Variants in INSL6 observed in about 807,000 individuals in gnomAD.
INSL6 encodes the protein insulin like 6.
INSL6 carries 16 observed loss-of-function variants against 9.4 expected under a neutral mutation model. The observed-to-expected ratio is 1.70, with a 90% CI of 1.15 to 2.59. The LOEUF is 2.59. INSL6 is among the 30% of genes most tolerant of loss of function. The pLI is 0.00. For synonymous variants in INSL6, 154 were observed against 96.9 expected, an observed-to-expected ratio of 1.59 and a Z score of -3.46; for missense variants, 391 against 257.3, an observed-to-expected ratio of 1.52 and a Z score of -3.56.
chr9:5,127,951 G>T (rs144384901), intron 3 of INSL6: 1 of 232,166 alleles, frequency 4.3e-6, no homozygotes. Flanking sequence ...TTCATAACGT[G>T]TATCTTTAAG....
At chr9:5,019,951 T>G in the INSL6 span, among the ~76,000 whole-genome samples, 3 of 152,184 alleles carry the variant, frequency 2.0e-5, no homozygotes, top group Non-Finnish European at 4.4e-5. Flanking sequence ...TGCCTGTACA[T>G]TAGCCCCAGG....
At chr9:5,122,565 T>C (rs1823697098), downstream of INSL6, among the ~76,000 whole-genome samples, 1 of 152,114 alleles carries the variant, frequency 6.6e-6, no homozygotes, top group Non-Finnish European at 1.5e-5. Flanking sequence ...GTTATCTTTC[T>C]ATGTCAGAGA....
chr9:5,066,668 T>C, the INSL6 span: 6 of 1,485,082 alleles, frequency 4.0e-6, no homozygotes, highest in African/African-American at 1.4e-5. Context: ...TGCTTCTTCT[T>C]TACCTTTAGG....
At chr9:5,152,214 A>G (rs963731219) in intron 2 of INSL6, among the ~76,000 whole-genome samples, 1 of 152,226 alleles carries the variant, frequency 6.6e-6, no homozygotes, top group African/African-American at 2.4e-5. Flanking sequence ...AGAACAATGA[A>G]TAACACTGTC....
the INSL6 span, chr9:5,029,761 C>T: frequency 6.3e-7 from 1 of 1,592,830 alleles, no homozygotes; most frequent in Admixed American, 1.8e-5. Context: ...TTTAATAATT[C>T]CTTTCTCTGC....
the INSL6 span, among the ~76,000 whole-genome samples, chr9:5,035,756 A>T: frequency 6.6e-6 from 1 of 152,194 alleles, no homozygotes; most frequent in African/African-American, 2.4e-5. Flanking sequence ...TATCTATGAC[A>T]TACCGACAGC....
At chr9:5,033,942 T>TG in the INSL6 span, among the ~76,000 whole-genome samples, 128 of 152,246 alleles carry the variant, frequency 8.4e-4, no homozygotes, top group Non-Finnish European at 1.5e-3. Context: ...AGACACAGAC[T>TG]GGTAAACTGG....
intron 1 of INSL6, among the ~76,000 whole-genome samples, chr9:5,166,828 AG>A (rs1348829640): frequency 6.6e-6 from 1 of 152,236 alleles, no homozygotes; most frequent in Non-Finnish European, 1.5e-5. Flanking sequence ...AAACTAGGTA[AG>A]AACAATATGA....
chr9:5,156,382 C>CTGTAAATGAA (rs1211541530), intron 2 of INSL6, among the ~76,000 whole-genome samples: 1 of 152,140 alleles, frequency 6.6e-6, no homozygotes, highest in African/African-American at 2.4e-5. Flanking sequence ...AGACATAAAA[C>CTGTAAATGAA]TGTAAATGAA....
chr9:5,148,976 C>G (rs1824657293), intron 2 of INSL6, among the ~76,000 whole-genome samples: 1 of 152,210 alleles, frequency 6.6e-6, no homozygotes, highest in African/African-American at 2.4e-5. Flanking sequence ...CTCTCCCCAG[C>G]AGTTAGCTGG....
At chr9:5,106,031 A>G in the INSL6 span, among the ~76,000 whole-genome samples, 1 of 152,248 alleles carries the variant, frequency 6.6e-6, no homozygotes, top group Non-Finnish European at 1.5e-5. Flanking sequence ...AAACGCCAGA[A>G]ACAAAGGCAA....
chr9:5,040,961 C>A, the INSL6 span: 1 of 541,616 alleles, frequency 1.8e-6, no homozygotes, highest in Non-Finnish European at 3.5e-6. Context: ...AATCTCTATA[C>A]AAACAAATAT....
At chr9:5,032,125 C>T in the INSL6 span, among the ~76,000 whole-genome samples, 2 of 152,234 alleles carry the variant, frequency 1.3e-5, no homozygotes, top group African/African-American at 4.8e-5. Flanking sequence ...TCAGAGGGTC[C>T]TACGCCCACG....
intron 2 of INSL6, among the ~76,000 whole-genome samples, chr9:5,155,488 C>A (rs537486151): frequency 6.4e-5 from 9 of 141,288 alleles, no homozygotes; most frequent in African/African-American, 1.1e-4. Flanking sequence ...AAAAAAAAAA[C>A]CTGGAGGTAC....
intron 3 of INSL6, chr9:5,132,212 A>C (rs1824305169): frequency 6.6e-6 from 1 of 152,206 alleles, no homozygotes; most frequent in Non-Finnish European, 1.5e-5. Flanking sequence ...CAGAGGAAGA[A>C]AATTCTAAAA....
chr9:5,044,561 A>G, the INSL6 span: 1 of 1,225,292 alleles, frequency 8.2e-7, no homozygotes, highest in African/African-American at 1.5e-5. Context: ...GTTAAATGAT[A>G]AATATCTTGC....
the INSL6 span, among the ~76,000 whole-genome samples, chr9:5,005,486 G>C: frequency 1.3e-5 from 2 of 152,170 alleles, no homozygotes; most frequent in Non-Finnish European, 1.5e-5. Context: ...ATTTCTAAAT[G>C]TTAACTTTGC....
chr9:5,149,481 C>A (rs1187218016), intron 2 of INSL6, among the ~76,000 whole-genome samples: 2 of 152,114 alleles, frequency 1.3e-5, no homozygotes, highest in African/African-American at 4.8e-5. Context: ...ATCAAGAAGG[C>A]AATCCTATTT....
downstream of INSL6, among the ~76,000 whole-genome samples, chr9:5,160,202 G>T (rs139110901): frequency 8.4e-3 from 1,258 of 149,148 alleles, 18 homozygotes; most frequent in African/African-American, 0.028. Context: ...AAAAAGTTAG[G>T]CCACAAAACA....
Sources: gnomAD v4.1 joint callset for allele counts (sites outside exome capture counted in the v4.1 genomes callset) on GRCh38, gnomAD v4.1.1 for gene constraint, MANE v1.5 for transcripts, NCBI Gene and HGNC (gene_info 2026-07-23, HGNC 2026-07-21) for gene names.